Variants in CA10 observed in about 807,000 individuals in gnomAD.
The protein encoded by CA10 is carbonic anhydrase-related protein 10.
In CA10, 14 loss-of-function variants were observed where a neutral mutation model predicts 44.2. That is an observed-to-expected ratio of 0.32 (90% CI 0.21 to 0.50). The LOEUF (loss-of-function observed/expected upper bound fraction) is 0.50, where lower values mean the gene tolerates loss of function less well. Among genes scored for constraint, CA10 ranks in the 20% least tolerant of loss-of-function variants. The pLI is 0.99. For missense variants in CA10, 350 were observed against 409.7 expected, an observed-to-expected ratio of 0.85 and a Z score of 1.26; for synonymous variants, 159 against 141.6, an observed-to-expected ratio of 1.12 and a Z score of -0.87.
At chr17:51,997,873 C>T (rs757770753) in intron 2 of CA10, among the ~76,000 whole-genome samples, 1 of 152,016 alleles carries the variant, frequency 6.6e-6, no homozygotes, top group Non-Finnish European at 1.5e-5. Context: ...AACATCGCAC[C>T]AGAGTCCCAG....
At chr17:51,888,180 T>C (rs1414544249) in intron 3 of CA10, among the ~76,000 whole-genome samples, 1 of 150,716 alleles carries the variant, frequency 6.6e-6, no homozygotes, top group South Asian at 2.1e-4. Context: ...TATTGATTTT[T>C]AAAAAAAAGG....
In CA10 at chr17:51,781,839, T is replaced by C. The variant is rs533622046; in HGVS notation, c.280-34021A>G. On this transcript the variant is annotated intron_variant, in intron 3 of 8. Coordinates refer to ENST00000451037, the MANE Select transcript of CA10 (RefSeq NM_020178.5). Reference sequence around the variant, plus strand: ...TAGGCATAATCCTTAACAATATATGTATACCATTTTATGTCTTATATAATG... The same window carrying C: ...TAGGCATAATCCTTAACAATATATGCATACCATTTTATGTCTTATATAATG... Among the ~76,000 whole-genome samples the C allele has an allele frequency of 2.0e-5, 3 of 152,358 alleles. No individual in the cohort carries two copies. In the Middle Eastern group the frequency reaches 0.01, roughly 518 times the overall value.
chr17:52,069,930 AT>A (rs1429661334), intron 2 of CA10, among the ~76,000 whole-genome samples: 2 of 152,212 alleles, frequency 1.3e-5, no homozygotes, highest in African/African-American at 4.8e-5. Flanking sequence ...CCTGAAAAAA[AT>A]CTCAGTAACA....
chr17:52,082,204 G>A (rs1444559970), intron 1 of CA10, among the ~76,000 whole-genome samples: 1 of 152,058 alleles, frequency 6.6e-6, no homozygotes, highest in Non-Finnish European at 1.5e-5. Flanking sequence ...ATTTATAAAT[G>A]TTATTTACAA....
intron 2 of CA10, among the ~76,000 whole-genome samples, chr17:51,968,011 A>G (rs1984144408): frequency 6.6e-6 from 1 of 151,838 alleles, no homozygotes; most frequent in South Asian, 2.1e-4. Flanking sequence ...ATCCATTTAA[A>G]AGCCTAGTGT....
intron 5 of CA10, among the ~76,000 whole-genome samples, chr17:51,649,985 T>C (rs1049000966): frequency 6.6e-6 from 1 of 150,626 alleles, no homozygotes; most frequent in Non-Finnish European, 1.5e-5. Context: ...AGCCAGCCAG[T>C]CAGCCAGCCA....
At chr17:51,675,349 C>T (rs1436695157) in intron 4 of CA10, among the ~76,000 whole-genome samples, 1 of 152,068 alleles carries the variant, frequency 6.6e-6, no homozygotes, top group African/African-American at 2.4e-5. Context: ...CACCTGAGGT[C>T]AGGAGTTTGA....
intron 8 of CA10, among the ~76,000 whole-genome samples, chr17:51,632,513 G>GTC: frequency 6.6e-6 from 1 of 152,194 alleles, no homozygotes; most frequent in Non-Finnish European, 1.5e-5. Context: ...AAGCTGTCTG[G>GTC]TAATAACCAC....
At chr17:51,848,050 C>T (rs1358977790) in intron 3 of CA10, among the ~76,000 whole-genome samples, 3 of 152,164 alleles carry the variant, frequency 2.0e-5, no homozygotes, top group East Asian at 1.9e-4. Flanking sequence ...GAGGCATTCA[C>T]CTTGGGCACA....
rs922936333 is a variant in CA10, at chr17:51,650,514, G to C, written c.562-1260C>G. On this transcript the variant is annotated intron_variant, in intron 5 of 8. Transcript: ENST00000451037. ...TGTTGTGGTGAGACACACACCAAAG[G>C]GAGCTTGGTGAGTGACAATGCCCAG... 1.2e-4 allele frequency among the ~76,000 whole-genome samples: 18 copies of C among 152,236 alleles called. No individual in the cohort carries two copies. The South Asian group carries it at 2.3e-3, about 19-fold the overall frequency.
At chr17:51,907,395 A>AT (rs1981603193) in intron 3 of CA10, among the ~76,000 whole-genome samples, 1 of 152,160 alleles carries the variant, frequency 6.6e-6, no homozygotes, top group Non-Finnish European at 1.5e-5. Context: ...CCCATCTAAA[A>AT]TAGCAACCCT....
chr17:52,140,924 C>G (rs1989464664), intron 1 of CA10, among the ~76,000 whole-genome samples: 1 of 152,052 alleles, frequency 6.6e-6, no homozygotes, highest in African/African-American at 2.4e-5. Context: ...TGATCATGGC[C>G]TGGGTTATGA....
At chr17:51,664,558 A>T (rs1597971474) in intron 4 of CA10, among the ~76,000 whole-genome samples, 1 of 6,854 alleles carries the variant, frequency 1.5e-4, no homozygotes, top group Non-Finnish European at 1.0e-3. Context: ...TGAAGTATAC[A>T]AAAAAAAAAA....
intron 3 of CA10, among the ~76,000 whole-genome samples, chr17:51,910,452 A>G (rs1057414885): frequency 6.6e-6 from 1 of 152,156 alleles, no homozygotes; most frequent in African/African-American, 2.4e-5. Context: ...AAGAGTTGTT[A>G]TGGCTTACAG....
chr17:52,100,775 C>G (rs919149709), intron 1 of CA10, among the ~76,000 whole-genome samples: 4 of 152,154 alleles, frequency 2.6e-5, no homozygotes, highest in Non-Finnish European at 5.9e-5. Context: ...CCCCATCAAG[C>G]CTTTCCTGAT....
At chr17:51,809,105 TA>T (rs1907253188) in intron 3 of CA10, among the ~76,000 whole-genome samples, 1 of 150,164 alleles carries the variant, frequency 6.7e-6, no homozygotes, top group South Asian at 2.1e-4. Flanking sequence ...AAAAAAAAAA[TA>T]CAATGATGCA....
chr17:52,118,237 T>C (rs1211097004), intron 1 of CA10, among the ~76,000 whole-genome samples: 1 of 152,212 alleles, frequency 6.6e-6, no homozygotes, highest in African/African-American at 2.4e-5. Context: ...GTACAAGATT[T>C]TCACGTACTA....
At chr17:52,123,874 T>G (rs1989064446) in intron 1 of CA10, among the ~76,000 whole-genome samples, 1 of 152,204 alleles carries the variant, frequency 6.6e-6, no homozygotes, top group Non-Finnish European at 1.5e-5. Flanking sequence ...AAAACCATAT[T>G]AAGATAGATA....
intron 4 of CA10, among the ~76,000 whole-genome samples, chr17:51,703,343 CATG>C (rs988203623): frequency 2.6e-5 from 4 of 151,976 alleles, no homozygotes; most frequent in African/African-American, 9.7e-5. Flanking sequence ...ATTATCTTTC[CATG>C]ATAATATCTT....
Sources: allele counts gnomAD v4.1 joint callset (sites outside exome capture counted in the v4.1 genomes callset), GRCh38; gene constraint gnomAD v4.1.1; transcripts MANE v1.5; gene names NCBI Gene and HGNC (gene_info 2026-07-23, HGNC 2026-07-21).